RMST: variants seen among roughly 807,000 people sequenced by gnomAD.
The protein encoded by RMST is rhabdomyosarcoma 2 associated transcript.
rs935393073 is a variant in RMST at position 97,482,710 on chromosome 12, T to C, written n.645-9751T>C. On this transcript the variant is annotated intron_variant and non_coding_transcript_variant, in intron 5 of 13. Transcript: ENST00000640149. ...TTATTATTTATTTAATAAATAAATTTATATTATTTATTTATTAAATAAATT... is the reference window on the plus strand; with the variant it reads ...TTATTATTTATTTAATAAATAAATTCATATTATTTATTTATTAAATAAATT... Among the ~76,000 whole-genome samples, 52 of 48,764 alleles carry C rather than the reference T, an allele frequency of 1.1e-3. 11 individuals carry two copies. Among genetic ancestry groups the C allele is most frequent in the Admixed American group, 2.0e-3 (10 of 5,122 alleles). The allele number at this position is 48,764 out of a possible 152,430, so 32.0% of individuals were successfully genotyped here.
intron 11 of RMST, among the ~76,000 whole-genome samples, chr12:97,553,750 C>A (rs1202835376): frequency 6.6e-6 from 1 of 152,012 alleles, no homozygotes; most frequent in African/African-American, 2.4e-5. Flanking sequence ...TGAGTCCCAG[C>A]ATCAATACCT....
intron 11 of RMST, among the ~76,000 whole-genome samples, chr12:97,532,192 G>A (rs1881691064): frequency 6.6e-6 from 1 of 151,840 alleles, no homozygotes; most frequent in Non-Finnish European, 1.5e-5. Flanking sequence ...TGGACACCAT[G>A]TTTACAGGAG....
At chr12:97,467,387 C>A (rs541064819) in intron 5 of RMST, among the ~76,000 whole-genome samples, 1 of 152,064 alleles carries the variant, frequency 6.6e-6, no homozygotes, top group African/African-American at 2.4e-5. Context: ...ATCCTGACAT[C>A]AATTTTTCTG....
At chr12:97,519,294 T>C (rs1170256647) in intron 10 of RMST, among the ~76,000 whole-genome samples, 2 of 152,200 alleles carry the variant, frequency 1.3e-5, no homozygotes, top group Admixed American at 6.5e-5. Context: ...AATTAGACTA[T>C]GAAGGAGCAG....
intron 10 of RMST, among the ~76,000 whole-genome samples, chr12:97,510,189 T>C (rs1368717443): frequency 1.3e-5 from 2 of 152,234 alleles, no homozygotes; most frequent in African/African-American, 4.8e-5. Flanking sequence ...TGGTTTGTTC[T>C]GTGACCTTAG....
At chr12:97,510,879 TG>T (rs1879208490) in intron 10 of RMST, among the ~76,000 whole-genome samples, 1 of 152,152 alleles carries the variant, frequency 6.6e-6, no homozygotes, top group South Asian at 2.1e-4. Context: ...TAAGTTGAAC[TG>T]AGTAGTTGAT....
intron 11 of RMST, among the ~76,000 whole-genome samples, chr12:97,535,460 C>A (rs761211164): frequency 6.6e-6 from 1 of 151,672 alleles, no homozygotes; most frequent in African/African-American, 2.4e-5. Flanking sequence ...TTTCAACAAG[C>A]CTTTATTAAG....
At chr12:97,485,142 AC>A (rs1171867928) in intron 5 of RMST, among the ~76,000 whole-genome samples, 1 of 152,128 alleles carries the variant, frequency 6.6e-6, no homozygotes, top group Non-Finnish European at 1.5e-5. Context: ...TGAAATAGAG[AC>A]CTGTGACTAT....
In RMST at chr12:97,496,471, G is replaced by A. The variant is rs538002470; in HGVS notation, n.1340+415G>A. 1.8e-3 allele frequency among the ~76,000 whole-genome samples: 267 copies of A among 152,168 alleles called. 3 individuals are homozygous for A. Among genetic ancestry groups the A allele is most frequent in the African/African-American group, 6.1e-3 (255 of 41,516 alleles). On this transcript the variant is annotated intron_variant and non_coding_transcript_variant, in intron 10 of 13. Transcript: ENST00000640149. ...ATATATGTGTTTTACAAAATTTTAC[G>A]TGTCATTATTTGCTCCTATTAGAAC...
At chr12:97,511,230 C>T (rs1879257374) in intron 10 of RMST, among the ~76,000 whole-genome samples, 1 of 151,448 alleles carries the variant, frequency 6.6e-6, no homozygotes, top group African/African-American at 2.4e-5. Context: ...CTCACTGCAA[C>T]CTCCGTCTCC....
chr12:97,469,900 A>T (rs184259842), intron 5 of RMST, among the ~76,000 whole-genome samples: 1 of 152,132 alleles, frequency 6.6e-6, no homozygotes, highest in Non-Finnish European at 1.5e-5. Context: ...ATACAATTTT[A>T]AAATGTCAAA....
At chr12:97,538,434 T>C (rs1467493480) in intron 11 of RMST, among the ~76,000 whole-genome samples, 1 of 151,378 alleles carries the variant, frequency 6.6e-6, no homozygotes. Context: ...CACTCAGAAC[T>C]CATTAATGGC....
At chr12:97,466,841 T>C (rs1034174634) in intron 5 of RMST, among the ~76,000 whole-genome samples, 1 of 152,132 alleles carries the variant, frequency 6.6e-6, no homozygotes, top group Non-Finnish European at 1.5e-5. Flanking sequence ...AAAGTCTTCA[T>C]GCATTTATCT....
intron 11 of RMST, among the ~76,000 whole-genome samples, chr12:97,550,668 C>T (rs894737237): frequency 2.0e-5 from 3 of 152,100 alleles, no homozygotes; most frequent in Admixed American, 6.5e-5. Context: ...TCTCTATTTT[C>T]TCGACTTTAT....
intron 11 of RMST, among the ~76,000 whole-genome samples, chr12:97,553,386 G>A (rs978173202): frequency 6.6e-5 from 10 of 152,114 alleles, no homozygotes; most frequent in South Asian, 4.1e-4. Flanking sequence ...AGAAATTTAT[G>A]CACAGTTAGC....
chr12:97,481,891 C>A (rs1221004022), intron 5 of RMST, among the ~76,000 whole-genome samples: 1 of 152,200 alleles, frequency 6.6e-6, no homozygotes, highest in South Asian at 2.1e-4. Context: ...TCAGGCTGCT[C>A]TTTCCACATC....
chr12:97,491,472 A>C (rs1876804568), intron 5 of RMST, among the ~76,000 whole-genome samples: 1 of 152,160 alleles, frequency 6.6e-6, no homozygotes, highest in Non-Finnish European at 1.5e-5. Flanking sequence ...TTCCTCCAAA[A>C]TGTTGATTAC....
At chr12:97,474,463 G>A (rs187993929) in intron 5 of RMST, among the ~76,000 whole-genome samples, 3 of 152,116 alleles carry the variant, frequency 2.0e-5, no homozygotes, top group African/African-American at 7.2e-5. Context: ...TGTAAAAGAT[G>A]TGGTTGAGAA....
At chr12:97,521,253 A>G (rs1352671168) in intron 10 of RMST, among the ~76,000 whole-genome samples, 2 of 152,140 alleles carry the variant, frequency 1.3e-5, no homozygotes, top group South Asian at 2.1e-4. Context: ...TAAGTATACC[A>G]TGATCTTGTG....
Sources: gnomAD v4.1 joint callset for allele counts (sites outside exome capture counted in the v4.1 genomes callset) on GRCh38, gnomAD v4.1.1 for gene constraint, MANE v1.5 for transcripts, NCBI Gene and HGNC (gene_info 2026-07-23, HGNC 2026-07-21) for gene names.